RBM26: variants seen among roughly 807,000 people sequenced by gnomAD.
RBM26 encodes the protein RNA-binding protein 26.
Under a neutral mutation model 123.6 loss-of-function variants are expected in RBM26, and 30 were observed. That is an observed-to-expected ratio of 0.24 (90% CI 0.18 to 0.33). The LOEUF (loss-of-function observed/expected upper bound fraction) is 0.33. Ranked by LOEUF, RBM26 falls within the 10% of genes least tolerant of loss-of-function variation. RBM26 has a pLI of 1.00. For synonymous variants in RBM26, 400 were observed against 404.4 expected (o/e 0.99, Z 0.13); for missense variants, 947 against 1,203.6 (o/e 0.79, Z 3.15).
Position 79,337,243 on chromosome 13 carries a change from T to C in RBM26, c.2592A>G (p.Arg864=). The change falls in exon 19 of 22, where the codon CGA becomes CGG. Residue 864 remains arginine (R), a synonymous_variant. Coordinates refer to ENST00000438737, the MANE Select transcript of RBM26 (RefSeq NM_001366735.2). The part of the protein sequence containing the change: ...GRGRGIHSRG[R]GAVHGRGRGR... ...CCCTGCCTCGGCCATGAACTGCACC[T>C]CGACCTCTTGAATGAATTCCTCTGC... 6.2e-7 allele frequency: 1 copy of C among 1,614,152 alleles called. No individual in the cohort carries two copies. The highest frequency in any genetic ancestry group is 8.5e-7 in the Non-Finnish European group (1 of 1,180,022).
In RBM26 at chr13:79,366,661, T is replaced by C. The variant is rs1404764875; in HGVS notation, c.1107A>G (p.Pro369=). The change falls in exon 7 of 22, where the codon CCA becomes CCG. Residue 369 remains proline, a synonymous_variant. Transcript: ENST00000438737. ...TAACAGGTGGGAGACTGGGTGGCAA[T>C]GGACCTGGCGGTGGTACTGGGGGCC... ...NLRPPVPPPG[P]LPPSLPPVTG... The C allele has an allele frequency of 1.3e-6, 2 of 1,562,930 alleles. No homozygotes were observed. The highest frequency in any genetic ancestry group is 1.4e-5 in the African/African-American group (1 of 72,118).
Position 79,337,162 on chromosome 13 carries a change from C to G in RBM26, c.2673G>C (p.Arg891Ser). Reference sequence around the variant, plus strand: ...CCGTAAATGCAGAAATCTCCAATGCCCTGGGACGGTGATCCACCACAGCAT... The same window carrying G: ...CCGTAAATGCAGAAATCTCCAATGCGCTGGGACGGTGATCCACCACAGCAT... ...PGHAVVDHRP[R>S]ALEISAFTES... The change falls in exon 19 of 22, where the codon AGG (arginine) becomes AGC (serine). Residue 891 changes from arginine to serine, a missense_variant. By Grantham distance (110) the Arg-to-Ser change is moderately radical (BLOSUM62 -1). This residue lies in a region of RBM26 where 164 missense variants were observed against 215.3 expected (regional missense o/e 0.76). Transcript: ENST00000438737. 6.2e-7 allele frequency: 1 copy of G among 1,614,038 alleles called. No individual in the cohort carries two copies. The highest frequency in any genetic ancestry group is 8.5e-7 in the Non-Finnish European group (1 of 1,180,000).
chr13:79,319,141 G>A lies in RBM26; in HGVS notation c.*1480C>T. The A allele has an allele frequency of 2.0e-6, 2 of 984,556 alleles. No homozygotes were observed. Among genetic ancestry groups the A allele is most frequent in the Non-Finnish European group, 2.4e-6 (2 of 829,338 alleles). 61.0% of individuals were successfully genotyped at this position (984,556 alleles called of 1,614,324 possible). ...CACAACTTCAACCCCAATTAGGGGT[G>A]TATGGGGAAGAAGAAAAAGAACAGC... is the stretch of plus-strand genomic sequence containing the variant. On this transcript the variant is annotated 3_prime_UTR_variant, in exon 22 of 22. Coordinates refer to ENST00000438737, the MANE Select transcript of RBM26 (RefSeq NM_001366735.2).
rs534818155 is a variant in RBM26, at chr13:79,331,640, A to G, written c.2820+2704T>C. On this transcript the variant is annotated intron_variant, in intron 20 of 21. Transcript: ENST00000438737. ...AACACAGCGAGACTCCGCCTCAAAA[A>G]AAAAAAAAAATTGTACCTCTGTGAG... Among the ~76,000 whole-genome samples, 112 of 152,064 alleles carry G rather than the reference A, an allele frequency of 7.4e-4. 1 individual carries two copies. In the Middle Eastern group the frequency reaches 0.01, roughly 14 times the overall value.
intron 20 of RBM26, among the ~76,000 whole-genome samples, chr13:79,331,705 A>T (rs775099112): frequency 6.6e-6 from 1 of 152,276 alleles, no homozygotes; most frequent in East Asian, 1.9e-4. Flanking sequence ...GATTCTTCTA[A>T]AACAGCAACT....
chr13:79,317,029 C>T (rs1171952112), downstream of RBM26, among the ~76,000 whole-genome samples: 1 of 151,530 alleles, frequency 6.6e-6, no homozygotes, highest in South Asian at 2.1e-4. Flanking sequence ...CAATTTAAAT[C>T]CATATTGGTG....
chr13:79,322,185 T>C, intron 21 of RBM26, 164 bp downstream of exon 21: 1 of 434,996 alleles, frequency 2.3e-6, no homozygotes, highest in Non-Finnish European at 4.0e-6. Context: ...TTTCTTCTCA[T>C]TATCCAGAAA....
intron 14 of RBM26, among the ~76,000 whole-genome samples, chr13:79,351,710 T>C (rs1296966985): frequency 6.6e-6 from 1 of 151,788 alleles, no homozygotes; most frequent in Non-Finnish European, 1.5e-5. Flanking sequence ...CTCCCTTGGG[T>C]AAAAAGACTA....
At chr13:79,384,866 C>T (rs191734251) in intron 1 of RBM26, among the ~76,000 whole-genome samples, 3 of 152,238 alleles carry the variant, frequency 2.0e-5, no homozygotes, top group African/African-American at 7.2e-5. Context: ...AGTAATGAGA[C>T]CGTAAAGAAA....
chr13:79,347,727 AAC>A (rs983641107), intron 14 of RBM26, among the ~76,000 whole-genome samples: 24 of 152,094 alleles, frequency 1.6e-4, no homozygotes, highest in African/African-American at 5.8e-4. Context: ...TCTGCAAGTA[AAC>A]AGTTTTATTT....
At chr13:79,397,121 C>T (rs2078638388) in intron 1 of RBM26, among the ~76,000 whole-genome samples, 2 of 152,074 alleles carry the variant, frequency 1.3e-5, no homozygotes, top group Non-Finnish European at 2.9e-5. Flanking sequence ...GTGGAGGTTG[C>T]AGTGAGTCGA....
chr13:79,354,397 T>G, intron 13 of RBM26, 42 bp downstream of exon 13: 1 of 1,424,468 alleles, frequency 7.0e-7, no homozygotes. Flanking sequence ...ACTAAATTAC[T>G]GAGAACCTAT....
At chr13:79,355,976 T>C (rs557845418) in intron 11 of RBM26, among the ~76,000 whole-genome samples, 8 of 152,312 alleles carry the variant, frequency 5.3e-5, no homozygotes, top group African/African-American at 1.7e-4. Flanking sequence ...ATCCAAGACT[T>C]TTCACTTCAA....
At chr13:79,373,357 ATAT>A (rs2076214076) in intron 3 of RBM26, among the ~76,000 whole-genome samples, 1 of 105,440 alleles carries the variant, frequency 9.5e-6, no homozygotes, top group Non-Finnish European at 1.7e-5. Context: ...TAAATAAAAT[ATAT>A]AAATATATAA....
chr13:79,360,291 CACAG>C (rs1430468497), intron 9 of RBM26, among the ~76,000 whole-genome samples: 2 of 151,976 alleles, frequency 1.3e-5, no homozygotes, highest in Non-Finnish European at 2.9e-5. Context: ...ACATATCACC[CACAG>C]ACAAAGGGGA....
intron 1 of RBM26, among the ~76,000 whole-genome samples, chr13:79,385,839 T>C (rs1566558778): frequency 2.0e-5 from 3 of 152,242 alleles, no homozygotes; most frequent in East Asian, 3.9e-4. Context: ...GGACTCTCTA[T>C]TCTGCATTTT....
chr13:79,364,679 G>C (rs2075069641), intron 9 of RBM26, among the ~76,000 whole-genome samples: 1 of 138,374 alleles, frequency 7.2e-6, no homozygotes, highest in Admixed American at 6.8e-5. Flanking sequence ...CTCTAGTGTA[G>C]CACTCTAGAT....
At chr13:79,318,419 A>G (rs926373484), downstream of RBM26, among the ~76,000 whole-genome samples, 1 of 151,428 alleles carries the variant, frequency 6.6e-6, no homozygotes, top group East Asian at 1.9e-4. Flanking sequence ...AAAACATATG[A>G]AAGTACATGT....
chr13:79,378,596 T>C (rs571047903), intron 2 of RBM26, among the ~76,000 whole-genome samples, 193 bp downstream of exon 2: 2 of 152,256 alleles, frequency 1.3e-5, no homozygotes, highest in South Asian at 2.1e-4. Flanking sequence ...CCCACCATCA[T>C]GCCCGGCTAA....
Sources: allele counts gnomAD v4.1 joint callset (sites outside exome capture counted in the v4.1 genomes callset), GRCh38; gene constraint gnomAD v4.1.1; regional missense constraint gnomAD v4.1.1; transcripts MANE v1.5; gene names NCBI Gene and HGNC (gene_info 2026-07-23, HGNC 2026-07-21).